The following ZDHHC13 variants were observed in gnomAD, a reference collection of about 807,000 sequenced individuals.
ZDHHC13 encodes the protein palmitoyltransferase ZDHHC13.
In ZDHHC13, 85 loss-of-function variants were observed where a neutral mutation model predicts 86.0. That is an observed-to-expected ratio of 0.99 (90% CI 0.83 to 1.18). ZDHHC13 has a LOEUF of 1.18. ZDHHC13 is among the 50% of genes most tolerant of loss of function. The pLI is 0.00. For missense variants in ZDHHC13, 711 were observed against 730.2 expected, an observed-to-expected ratio of 0.97 and a Z score of 0.30; for synonymous variants, 263 against 246.4, an observed-to-expected ratio of 1.07 and a Z score of -0.63.
intron 1 of ZDHHC13, among the ~76,000 whole-genome samples, chr11:19,134,123 T>A (rs1849070401): frequency 6.6e-6 from 1 of 151,922 alleles, no homozygotes; most frequent in South Asian, 2.1e-4. Flanking sequence ...GAGACTATTT[T>A]GAAGATATAA....
At chr11:19,137,677 C>A (rs1323271502) in intron 1 of ZDHHC13, among the ~76,000 whole-genome samples, 2 of 152,208 alleles carry the variant, frequency 1.3e-5, no homozygotes, top group African/African-American at 2.4e-5. Flanking sequence ...GTAAAGCTCT[C>A]CTCAGCAAAA....
chr11:19,149,913 T>G (rs111999090), intron 5 of ZDHHC13, among the ~76,000 whole-genome samples: 1 of 152,234 alleles, frequency 6.6e-6, no homozygotes, highest in African/African-American at 2.4e-5. Context: ...AAAACGTGTT[T>G]GCACAAATGC....
chr11:19,166,497 A>C, intron 14 of ZDHHC13, 112 bp downstream of exon 14: 1 of 779,830 alleles, frequency 1.3e-6, no homozygotes, highest in East Asian at 2.9e-5. Context: ...CCATACTCCT[A>C]ATAAAAACAA....
intron 14 of ZDHHC13, chr11:19,169,141 A>G (rs1221222113): frequency 2.0e-6 from 2 of 985,510 alleles, no homozygotes; most frequent in Admixed American, 6.1e-5. Flanking sequence ...TATTATCAAA[A>G]GAATTCCCAG....
intron 14 of ZDHHC13, chr11:19,169,067 G>T: frequency 3.0e-6 from 3 of 985,446 alleles, no homozygotes; most frequent in Non-Finnish European, 3.6e-6. Flanking sequence ...ACAACTTGCT[G>T]TTGTATCTTT....
At chr11:19,159,577 G>A (rs1256399923) in intron 10 of ZDHHC13, among the ~76,000 whole-genome samples, 1 of 150,076 alleles carries the variant, frequency 6.7e-6, no homozygotes, top group Non-Finnish European at 1.5e-5. Context: ...TTACTCTATG[G>A]TGTTATTTCA....
rs7115802 is a variant in ZDHHC13 at position 19,128,277 on chromosome 11, A to G, written c.27+11001A>G. ...TGATAGTTGTTGTATTGGAATGCTA[A>G]CGATTTTTGTATGTTGATTTTGTAT... On this transcript the variant is annotated intron_variant, in intron 1 of 16. Coordinates refer to ENST00000446113, the MANE Select transcript of ZDHHC13 (RefSeq NM_019028.3). 6.9e-3 allele frequency among the ~76,000 whole-genome samples: 1,046 copies of G among 152,136 alleles called. 9 individuals carry two copies. The highest frequency in any genetic ancestry group is 0.024 in the African/African-American group (987 of 41,530).
At chr11:19,146,709 A>G (rs1849477509) in intron 3 of ZDHHC13, among the ~76,000 whole-genome samples, 1 of 152,164 alleles carries the variant, frequency 6.6e-6, no homozygotes, top group Non-Finnish European at 1.5e-5. Flanking sequence ...CTAAATATGG[A>G]ATATACTTTT....
chr11:19,135,378 G>A (rs1849108724), intron 1 of ZDHHC13, among the ~76,000 whole-genome samples: 1 of 152,226 alleles, frequency 6.6e-6, no homozygotes, highest in African/African-American at 2.4e-5. Flanking sequence ...CTTAAAAAAC[G>A]GCGCACCAGG....
At chr11:19,145,946 TAAG>T (rs1473033460) in intron 2 of ZDHHC13, among the ~76,000 whole-genome samples, 1 of 152,208 alleles carries the variant, frequency 6.6e-6, no homozygotes, top group African/African-American at 2.4e-5. Flanking sequence ...AAAGTTTACT[TAAG>T]AAAGTCAAGT....
chr11:19,125,498 G>A (rs1848853912), intron 1 of ZDHHC13, among the ~76,000 whole-genome samples: 1 of 152,204 alleles, frequency 6.6e-6, no homozygotes, highest in South Asian at 2.1e-4. Flanking sequence ...AACTCTCATA[G>A]TTGTTAGTGG....
Position 19,124,754 on chromosome 11 carries a change from C to T in ZDHHC13, c.27+7478C>T, listed in dbSNP as rs138869682. On this transcript the variant is annotated intron_variant, in intron 1 of 16. Transcript: ENST00000446113. The stretch of plus-strand genomic sequence containing the variant: ...TTATTTTTAGCTGTGTGTGATTCTG[C>T]GTGTGTGTGGGGGGGTACTGATTAT... Among the ~76,000 whole-genome samples, 121 of 151,004 alleles carry T rather than the reference C, an allele frequency of 8.0e-4. 1 individual carries two copies. The East Asian group carries it at 0.02, about 26-fold the overall frequency.
At chr11:19,139,754 A>G (rs1849255666) in intron 1 of ZDHHC13, among the ~76,000 whole-genome samples, 1 of 140,330 alleles carries the variant, frequency 7.1e-6, no homozygotes, top group Non-Finnish European at 1.5e-5. Context: ...CCTCAGAAAT[A>G]ACGCCGCATA....
intron 4 of ZDHHC13, 92 bp from the exon 5 acceptor site, chr11:19,149,095 C>A (rs535188561): frequency 1.7e-6 from 2 of 1,187,606 alleles, no homozygotes; most frequent in South Asian, 6.7e-5. Context: ...TATATGTAAC[C>A]AAAATCCCTC....
In ZDHHC13 at chr11:19,143,156, T is replaced by C. The variant is rs149452222; in HGVS notation, c.173+33T>C. ...TTCCAAATGCTTTGGTTTATCCTTA[T>C]GTTCTCTAGAATTAATAGTAATATA... is the stretch of plus-strand genomic sequence containing the variant. On this transcript the variant is annotated intron_variant, in intron 2 of 16. Coordinates refer to ENST00000446113, the MANE Select transcript of ZDHHC13 (RefSeq NM_019028.3). The C allele has an allele frequency of 2.6e-5, 41 of 1,591,642 alleles. No homozygotes were observed. In the African/African-American group the frequency reaches 4.2e-4, roughly 16 times the overall value.
At chr11:19,131,754 C>T (rs1849006104) in intron 1 of ZDHHC13, among the ~76,000 whole-genome samples, 1 of 152,056 alleles carries the variant, frequency 6.6e-6, no homozygotes, top group African/African-American at 2.4e-5. Flanking sequence ...CTGCCTCAGT[C>T]TCTCGAGCAG....
chr11:19,173,394 C>T (rs1233469561), intron 16 of ZDHHC13, among the ~76,000 whole-genome samples: 3 of 152,166 alleles, frequency 2.0e-5, no homozygotes, highest in East Asian at 1.9e-4. Context: ...CTTCGTCTTA[C>T]GATATGAAAG....
chr11:19,134,749 G>A (rs774058931), intron 1 of ZDHHC13, among the ~76,000 whole-genome samples: 5 of 152,070 alleles, frequency 3.3e-5, no homozygotes, highest in African/African-American at 9.7e-5. Flanking sequence ...GGAGGAATAC[G>A]TAATGTAGAT....
Position 19,169,239 on chromosome 11 carries a change from A to G in ZDHHC13, c.1475-1172A>G, listed in dbSNP as rs147177868. 5,158 of 985,398 alleles carry G rather than the reference A, an allele frequency of 5.2e-3. 16 individuals carry two copies. The highest frequency in any genetic ancestry group is 5.8e-3 in the Non-Finnish European group (4,812 of 829,930). The allele number at this position is 985,398 out of a possible 1,614,324, so 61.0% of individuals were successfully genotyped here. A position where few individuals can be genotyped will look rare whatever the true frequency, so the allele number is the denominator to read the frequency against. ...TTTTCTCCACCTACTGTTGGAAATTATATTCTTTTTTGTGATATCAGGTGC... is the reference window on the plus strand; with the variant it reads ...TTTTCTCCACCTACTGTTGGAAATTGTATTCTTTTTTGTGATATCAGGTGC... On this transcript the variant is annotated intron_variant, in intron 14 of 16. Coordinates refer to ENST00000446113, the MANE Select transcript of ZDHHC13 (RefSeq NM_019028.3).
Sources: allele counts gnomAD v4.1 joint callset (sites outside exome capture counted in the v4.1 genomes callset), GRCh38; gene constraint gnomAD v4.1.1; transcripts MANE v1.5; gene names NCBI Gene and HGNC (gene_info 2026-07-23, HGNC 2026-07-21).